Variants in CD99L2 observed in about 807,000 individuals in gnomAD.
CD99L2 encodes the protein CD99 molecule like 2.
CD99L2 carries 24 observed loss-of-function variants against 27.3 expected under a neutral mutation model. The ratio of observed to expected loss-of-function variants is 0.88; its 90% CI spans 0.64 to 1.24. The LOEUF is 1.24. Among genes scored for constraint, CD99L2 ranks in the 50% most tolerant of loss-of-function variants. CD99L2 has a pLI of 0.00. For synonymous variants in CD99L2, 97 were observed against 87.9 expected (o/e 1.10, Z -0.58); for missense variants, 255 against 221.6 (o/e 1.15, Z -0.96).
intron 7 of CD99L2, among the ~76,000 whole-genome samples, chrX:150,780,439 C>G (rs1167096973): frequency 8.9e-6 from 1 of 111,854 alleles, no homozygotes; most frequent in African/African-American, 3.3e-5. Context: ...ACTAACAATT[C>G]CATTTCTAGA....
At chrX:150,839,075 A>G (rs2046582619) in intron 1 of CD99L2, among the ~76,000 whole-genome samples, 1 of 111,082 alleles carries the variant, frequency 9.0e-6, no homozygotes, top group African/African-American at 3.3e-5. Flanking sequence ...ACTAACAGGA[A>G]GGAAACAGAT....
At chrX:150,789,191 C>T (rs2045646143) in intron 7 of CD99L2, among the ~76,000 whole-genome samples, 2 of 100,718 alleles carry the variant, frequency 2.0e-5, no homozygotes, top group East Asian at 3.1e-4. Context: ...GGTGTGATCT[C>T]AGCTCACTGC....
chrX:150,812,456 T>C (rs2046086239), intron 4 of CD99L2, among the ~76,000 whole-genome samples: 2 of 111,548 alleles, frequency 1.8e-5, no homozygotes, highest in Admixed American at 1.9e-4. Flanking sequence ...CATGAAAAGG[T>C]GTTCAATATC....
chrX:150,771,382 G>C (rs781886215), intron 9 of CD99L2, among the ~76,000 whole-genome samples: 11 of 112,775 alleles, frequency 9.8e-5, no homozygotes, highest in African/African-American at 3.5e-4. Context: ...GGCAGGTGAT[G>C]AGTGCAGTGG....
In CD99L2 at chrX:150,795,501, G is replaced by A; in HGVS notation, c.278-15C>T. 1.7e-6 allele frequency: 2 copies of A among 1,208,290 alleles called. No homozygotes were observed. The highest frequency in any genetic ancestry group is 1.8e-5 in the South Asian group (1 of 56,698). ...GTTCCATCTCTCTAAAAGGGGAAGG[G>A]AGGACAGCAAAGGGAGCACATTTAG... On this transcript the variant is annotated splice_polypyrimidine_tract_variant and intron_variant, in intron 4 of 10. Coordinates refer to ENST00000370377, the MANE Select transcript of CD99L2 (RefSeq NM_031462.4).
At chrX:150,772,403 CT>C (rs1569565854) in intron 9 of CD99L2, among the ~76,000 whole-genome samples, 1 of 112,613 alleles carries the variant, frequency 8.9e-6, no homozygotes, top group African/African-American at 3.2e-5. Flanking sequence ...GCGAGAGGAG[CT>C]AGGTCAGGAC....
At chrX:150,891,990 C>T (rs1303829576) in intron 1 of CD99L2, among the ~76,000 whole-genome samples, 4 of 111,262 alleles carry the variant, frequency 3.6e-5, no homozygotes, top group African/African-American at 1.3e-4. Context: ...GAGGCTGAGG[C>T]AGGTGGATCA....
intron 1 of CD99L2, among the ~76,000 whole-genome samples, chrX:150,848,935 G>C (rs1013104313): frequency 1.3e-4 from 14 of 111,416 alleles, no homozygotes; most frequent in African/African-American, 4.6e-4. Context: ...TGCTCCTTTA[G>C]ACATGTGGAT....
intron 1 of CD99L2, among the ~76,000 whole-genome samples, chrX:150,883,836 A>T (rs1557422557): frequency 8.9e-6 from 1 of 112,310 alleles, no homozygotes; most frequent in Admixed American, 9.5e-5. Context: ...AGGAAACCAA[A>T]CTGGAAGATA....
intron 1 of CD99L2, among the ~76,000 whole-genome samples, chrX:150,887,015 CAT>C (rs1169802614): frequency 9.1e-6 from 1 of 109,989 alleles, no homozygotes; most frequent in African/African-American, 3.3e-5. Context: ...TATGGTATCA[CAT>C]GTTTGTGGTC....
At chrX:150,834,449 G>A (rs782682888) in intron 1 of CD99L2, among the ~76,000 whole-genome samples, 2 of 112,019 alleles carry the variant, frequency 1.8e-5, no homozygotes, top group Admixed American at 9.5e-5. Context: ...CTGAGATCGC[G>A]CCACTGCACT....
chrX:150,806,367 C>T (rs1603295464), intron 4 of CD99L2, among the ~76,000 whole-genome samples: 1 of 110,158 alleles, frequency 9.1e-6, no homozygotes, highest in East Asian at 2.9e-4. Context: ...GTGATTCTCC[C>T]ACCTCAGCCT....
intron 7 of CD99L2, among the ~76,000 whole-genome samples, chrX:150,792,061 T>G (rs1884873135): frequency 8.9e-6 from 1 of 112,082 alleles, no homozygotes; most frequent in Admixed American, 9.5e-5. Context: ...GGACAGTGTC[T>G]GAGAATTCCA....
At chrX:150,794,849 A>T (rs1196419364) in intron 6 of CD99L2, among the ~76,000 whole-genome samples, 4 of 112,493 alleles carry the variant, frequency 3.6e-5, no homozygotes, top group Non-Finnish European at 5.6e-5. Flanking sequence ...GCAAAAATGT[A>T]ACAGCGTGCC....
chrX:150,850,610 G>A (rs1360569983), intron 1 of CD99L2, among the ~76,000 whole-genome samples: 1 of 112,212 alleles, frequency 8.9e-6, no homozygotes, highest in Non-Finnish European at 1.9e-5. Context: ...AGAAACAAAT[G>A]TTGCAACAAA....
At chrX:150,775,672 A>G (rs1340391305) in intron 9 of CD99L2, among the ~76,000 whole-genome samples, 1 of 112,258 alleles carries the variant, frequency 8.9e-6, no homozygotes, top group Non-Finnish European at 1.9e-5. Flanking sequence ...CCAGGCAGTG[A>G]CTTCTCACGA....
rs2043459180 is a variant in CD99L2, at chrX:150,771,719, C to T, written c.656-1350G>A. ...GCCAGGGAAGCAGGAGGGAGAAGAG[C>T]GGCAAGGAAGCGCCAGAGCAGGGGG... On this transcript the variant is annotated intron_variant, in intron 9 of 10. Coordinates refer to ENST00000370377, the MANE Select transcript of CD99L2 (RefSeq NM_031462.4). 9 of 1,034,573 alleles carry T rather than the reference C, an allele frequency of 8.7e-6. No homozygotes were observed. In the South Asian group the frequency reaches 1.6e-4, roughly 19 times the overall value. 85.3% of individuals were successfully genotyped at this position (1,034,573 alleles called of 1,213,427 possible). A position where few individuals can be genotyped will look rare whatever the true frequency, so the allele number is the denominator to read the frequency against.
chrX:150,841,284 GAGA>G, intron 1 of CD99L2, among the ~76,000 whole-genome samples: 1 of 112,370 alleles, frequency 8.9e-6, no homozygotes, highest in Non-Finnish European at 1.9e-5. Context: ...GCAAAGTGCA[GAGA>G]AGTATTTTTC....
intron 7 of CD99L2, among the ~76,000 whole-genome samples, chrX:150,791,295 T>C (rs782480040): frequency 8.9e-6 from 1 of 112,065 alleles, no homozygotes; most frequent in South Asian, 3.8e-4. Context: ...GAAGTAGCGA[T>C]ATACCACTAA....
Sources: gnomAD v4.1 joint callset for allele counts (sites outside exome capture counted in the v4.1 genomes callset) on GRCh38, gnomAD v4.1.1 for gene constraint, MANE v1.5 for transcripts, NCBI Gene and HGNC (gene_info 2026-07-23, HGNC 2026-07-21) for gene names.